The following ZRANB3 variants were observed in gnomAD, a reference collection of about 807,000 sequenced individuals.
ZRANB3 encodes the protein zinc finger RANBP2-type containing 3.
Under a neutral mutation model 133.8 loss-of-function variants are expected in ZRANB3, and 125 were observed. The ratio of observed to expected loss-of-function variants is 0.93; its 90% confidence interval spans 0.81 to 1.08. The LOEUF (loss-of-function observed/expected upper bound fraction) is 1.08, where lower values mean the gene tolerates loss of function less well. Ranked by LOEUF, ZRANB3 falls within the 50% of genes least tolerant of loss-of-function variation. The pLI is 0.00. For missense variants in ZRANB3, 1,229 were observed against 1,275.5 expected, an observed-to-expected ratio of 0.96 and a Z score of 0.56; for synonymous variants, 387 against 432.7, an observed-to-expected ratio of 0.89 and a Z score of 1.31.
intron 2 of ZRANB3, among the ~76,000 whole-genome samples, chr2:135,442,895 T>C (rs879887092): frequency 1.3e-5 from 2 of 151,958 alleles, no homozygotes; most frequent in Non-Finnish European, 2.9e-5. Context: ...GGTGGGTGGA[T>C]CACAAGGTCA....
chr2:135,264,460 G>A (rs1196075596), intron 12 of ZRANB3, among the ~76,000 whole-genome samples: 17 of 131,618 alleles, frequency 1.3e-4, no homozygotes, highest in African/African-American at 4.9e-4. Flanking sequence ...AATAGTGCAA[G>A]ACTCTGTCTC....
intron 12 of ZRANB3, among the ~76,000 whole-genome samples, chr2:135,241,408 G>T (rs1695549540): frequency 1.4e-5 from 2 of 147,918 alleles, no homozygotes; most frequent in African/African-American, 2.5e-5. Flanking sequence ...ATTTTTATGG[G>T]CAATATAATC....
intron 3 of ZRANB3, among the ~76,000 whole-genome samples, chr2:135,364,598 A>C (rs145644703): frequency 6.6e-6 from 1 of 151,786 alleles, no homozygotes; most frequent in Non-Finnish European, 1.5e-5. Flanking sequence ...AAATACAAAA[A>C]TTAGGCCAGG....
At chr2:135,226,025 G>A (rs1397105718) in intron 14 of ZRANB3, among the ~76,000 whole-genome samples, 1 of 152,212 alleles carries the variant, frequency 6.6e-6, no homozygotes, top group Non-Finnish European at 1.5e-5. Flanking sequence ...AGAGGATGAT[G>A]TGGCCTGGCC....
intron 2 of ZRANB3, among the ~76,000 whole-genome samples, chr2:135,444,879 G>A (rs1689946006): frequency 6.6e-6 from 1 of 152,130 alleles, no homozygotes; most frequent in South Asian, 2.1e-4. Flanking sequence ...GAAAACATAT[G>A]TCTCAAATTA....
intron 2 of ZRANB3, among the ~76,000 whole-genome samples, chr2:135,499,288 T>C (rs566951616): frequency 1.9e-3 from 290 of 152,288 alleles, no homozygotes; most frequent in African/African-American, 6.5e-3. Context: ...CAAAGATTTT[T>C]AAAATTTGAT....
At position 135,367,118 on chromosome 2, in the gene ZRANB3, G is replaced by A. The variant is rs534429274; in HGVS notation, c.181-13490C>T. ...CCAACTCTGCTTTGTAAAAATGGCC[G>A]TGCAAATATGTGCTAATTACCTTGA... On this transcript the variant is annotated intron_variant, in intron 3 of 20. Transcript: ENST00000264159. Among the ~76,000 whole-genome samples, 428 of 152,284 alleles carry A rather than the reference G, an allele frequency of 2.8e-3. 3 individuals carry two copies. The highest frequency in any genetic ancestry group is 2.0e-3 in the Admixed American group (31 of 15,282).
At chr2:135,419,455 C>CT (rs1372970824) in intron 2 of ZRANB3, among the ~76,000 whole-genome samples, 4 of 151,738 alleles carry the variant, frequency 2.6e-5, no homozygotes, top group African/African-American at 7.3e-5. Flanking sequence ...CAGGAAGACT[C>CT]TGAGAGAAAA....
At chr2:135,396,667 A>G (rs1160821370) in intron 2 of ZRANB3, among the ~76,000 whole-genome samples, 1 of 152,130 alleles carries the variant, frequency 6.6e-6, no homozygotes, top group Non-Finnish European at 1.5e-5. Flanking sequence ...AGAGACTGGG[A>G]AGGGTAGTGG....
At chr2:135,330,671 C>A (rs1684092098) in intron 6 of ZRANB3, among the ~76,000 whole-genome samples, 1 of 140,894 alleles carries the variant, frequency 7.1e-6, no homozygotes, top group Non-Finnish European at 1.5e-5. Flanking sequence ...CCCTGTGAAT[C>A]TGTCTGGTCC....
intron 3 of ZRANB3, among the ~76,000 whole-genome samples, chr2:135,390,042 G>A (rs896724631): frequency 6.6e-6 from 1 of 151,290 alleles, no homozygotes; most frequent in South Asian, 2.1e-4. Context: ...CACCACGCCC[G>A]GCTAAATTTT....
intron 2 of ZRANB3, among the ~76,000 whole-genome samples, chr2:135,406,446 A>G (rs1188215276): frequency 1.3e-5 from 2 of 152,236 alleles, no homozygotes; most frequent in South Asian, 4.1e-4. Flanking sequence ...ATAGAAAAAG[A>G]GGGGATCCTC....
At chr2:135,303,297 A>G (rs932619211) in intron 8 of ZRANB3, among the ~76,000 whole-genome samples, 6 of 152,090 alleles carry the variant, frequency 3.9e-5, no homozygotes, top group Non-Finnish European at 2.9e-5. Context: ...GTCCTACCCA[A>G]AAGTTGGGAA....
chr2:135,321,672 G>A (rs1282462978), intron 6 of ZRANB3, among the ~76,000 whole-genome samples: 1 of 151,900 alleles, frequency 6.6e-6, no homozygotes, highest in East Asian at 1.9e-4. Context: ...TAGAGATGGG[G>A]TTTTGCCATG....
intron 3 of ZRANB3, 150 bp downstream of exon 3, chr2:135,390,652 C>T: frequency 8.8e-7 from 1 of 1,136,022 alleles, no homozygotes; most frequent in Non-Finnish European, 1.2e-6. Context: ...TCTCTCTCCC[C>T]CTCCCTCCTC....
intron 9 of ZRANB3, among the ~76,000 whole-genome samples, chr2:135,272,414 C>CTTTTCTTTTT (rs1680563393): frequency 1.9e-5 from 2 of 107,774 alleles, no homozygotes; most frequent in South Asian, 7.2e-4. Context: ...GAAAATAGAG[C>CTTTTCTTTTT]TTTTTTTTTT....
At chr2:135,201,522 G>T (rs1203370607) in intron 20 of ZRANB3, among the ~76,000 whole-genome samples, 1 of 151,798 alleles carries the variant, frequency 6.6e-6, no homozygotes, top group Non-Finnish European at 1.5e-5. Context: ...GTGTGGTGGC[G>T]GGTGCCTGTA....
chr2:135,315,328 G>C, intron 7 of ZRANB3, 31 bp downstream of exon 7: 2 of 1,458,236 alleles, frequency 1.4e-6, no homozygotes, highest in South Asian at 3.3e-5. Flanking sequence ...ATTATTTAAA[G>C]TAAGACTTTA....
rs1427294243 is a variant in ZRANB3 at position 135,217,558 on chromosome 2, C to T, written c.2402G>A (p.Arg801Lys). 4 of 1,613,716 alleles carry T rather than the reference C, an allele frequency of 2.5e-6. No individual in the cohort carries two copies. The highest frequency in any genetic ancestry group is 3.4e-6 in the Non-Finnish European group (4 of 1,179,808). Residue 801 changes from arginine to lysine, a missense_variant, in exon 17 of 21, where the codon AGG (arginine) becomes AAG (lysine). By Grantham distance (26) the Arg-to-Lys change is conservative. Transcript: ENST00000264159. ...EWSSLTAMKQ[R>K]IIRKSGQLFC... ...TAGCTGTCCACTTTTCCTGATTATC[C>T]TTTGCTTCATGGCAGTTAGACTACT...
Sources: gnomAD v4.1 joint callset for allele counts (sites outside exome capture counted in the v4.1 genomes callset) on GRCh38, gnomAD v4.1.1 for gene constraint, MANE v1.5 for transcripts, NCBI Gene and HGNC (gene_info 2026-07-23, HGNC 2026-07-21) for gene names.